The following CREBBP variants were observed in gnomAD, a reference collection of about 807,000 sequenced individuals.
The protein encoded by CREBBP is CREB-binding protein.
In CREBBP, 19 loss-of-function variants were observed where a neutral mutation model predicts 265.0. That is an observed-to-expected ratio of 0.07 (90% CI 0.05 to 0.11). The LOEUF is 0.11. CREBBP is among the 10% of genes least tolerant of loss of function. CREBBP has a pLI of 1.00. For missense variants in CREBBP, 2,525 were observed against 3,219.0 expected, an observed-to-expected ratio of 0.78 and a Z score of 5.22; for synonymous variants, 1,457 against 1,223.7, an observed-to-expected ratio of 1.19 and a Z score of -3.98.
intron 2 of CREBBP, among the ~76,000 whole-genome samples, chr16:3,849,415 GTGTGTGTGTGTGTGTGTGTGTGTGTGTGT>G (rs2054741159): frequency 3.2e-4 from 2 of 6,302 alleles, no homozygotes; most frequent in South Asian, 0.012. Context: ...GTGTGTGTGT[GTGTGTGTGTGTGTGTGTGTGTGTGTGTGT>G]GTGTGTGTGT....
chr16:3,879,026 T>C (rs1168231677), intron 1 of CREBBP, among the ~76,000 whole-genome samples: 1 of 10,198 alleles, frequency 9.8e-5, no homozygotes, highest in Non-Finnish European at 6.3e-4. Context: ...AATTCCTACA[T>C]TCCTTAATTC....
At chr16:3,729,928 A>G in intron 30 of CREBBP, 54 bp from the exon 31 acceptor site, 2 of 1,589,570 alleles carry the variant, frequency 1.3e-6, no homozygotes, top group Non-Finnish European at 1.7e-6. Flanking sequence ...CAGTACCACC[A>G]GGCATCCTGG....
In CREBBP at chr16:3,726,242, G is replaced by A. The variant is rs547057736; in HGVS notation, c.*1476C>T. 9.9e-5 allele frequency: 23 copies of A among 232,194 alleles called. No individual in the cohort carries two copies. Among genetic ancestry groups the A allele is most frequent in the East Asian group, 1.2e-4 (2 of 16,370 alleles). The allele number at this position is 232,194 out of a possible 1,614,324, so 14.4% of individuals were successfully genotyped here. ...CTCAGATTCTGGGAGTCGTGTACGGGGGGGGGGAGCCGCCTGAACACGGGA... is the reference window on the plus strand; with the variant it reads ...CTCAGATTCTGGGAGTCGTGTACGGAGGGGGGGAGCCGCCTGAACACGGGA... On this transcript the variant is annotated 3_prime_UTR_variant, in exon 31 of 31. Transcript: ENST00000262367.
rs2151305979 is a variant in CREBBP, at chr16:3,728,919, T to C, written c.6128A>G (p.Gln2043Arg). ...GGGCCCAGCCACGGCCGCCTGGGCC[T>C]GCATGGATATCACAGGCCTGGGCAA... is the stretch of plus-strand genomic sequence containing the variant. ...PGLPRPVISMQAQAAVAGPRM... is the reference protein window; with the variant it reads ...PGLPRPVISMRAQAAVAGPRM... The change falls in exon 31 of 31, where the codon CAG becomes CGG. Residue 2043 changes from glutamine (Q) to arginine (R), a missense_variant. This residue lies in a region of CREBBP where 275 missense variants were observed against 276.5 expected (regional missense o/e 0.99). Transcript: ENST00000262367. This position sits in a 1 kb window ranked among gnomAD's most constrained non-coding sequence, Gnocchi z 8.7. The C allele has an allele frequency of 6.2e-7, 1 of 1,605,894 alleles. No individual in the cohort carries two copies. Among genetic ancestry groups the C allele is most frequent in the Non-Finnish European group, 8.5e-7 (1 of 1,179,126 alleles).
At chr16:3,807,276 C>T (rs1398983648) in intron 3 of CREBBP, among the ~76,000 whole-genome samples, 1 of 152,178 alleles carries the variant, frequency 6.6e-6, no homozygotes, top group East Asian at 1.9e-4. Flanking sequence ...CCCAAGACCA[C>T]GTGGCTAAAT....
intron 2 of CREBBP, among the ~76,000 whole-genome samples, chr16:3,815,763 G>A (rs1200484737): frequency 2.6e-5 from 4 of 151,876 alleles, no homozygotes; most frequent in African/African-American, 9.7e-5. Flanking sequence ...TAAATGGGGT[G>A]TCCGTCACCT....
At chr16:3,842,077 A>G (rs940939550) in intron 2 of CREBBP, among the ~76,000 whole-genome samples, 1 of 152,160 alleles carries the variant, frequency 6.6e-6, no homozygotes, top group African/African-American at 2.4e-5. Flanking sequence ...ACCACTTTCT[A>G]AAAAAGACGA....
chr16:3,728,301 CGCT>C lies in CREBBP; in HGVS notation c.6743_6745del (p.Gln2248del), dbSNP rs753283086. 73 of 1,611,526 alleles carry C rather than the reference CGCT, an allele frequency of 4.5e-5. No individual in the cohort carries two copies. The highest frequency in any genetic ancestry group is 5.8e-5 in the Non-Finnish European group (69 of 1,179,500). On this transcript the variant is annotated inframe_deletion, in exon 31 of 31. Transcript: ENST00000262367. The surrounding 1 kb of genome is among the most constrained non-coding windows in gnomAD (Gnocchi z 8.7). ...CTGGAGGGGGAGATGCTGCTGCATG[CGCT>C]GCTGCTGCTGCATGGCCGGTGGGTA...
chr16:3,769,576 G>A lies in CREBBP; in HGVS notation c.2881-223C>T, dbSNP rs147669825. ...CTCAGGTCTTGCCACAAAGGCAGAG[G>A]AAACAGCAGAGCTTTTCAAACTTTG... On this transcript the variant is annotated intron_variant, in intron 14 of 30. Transcript: ENST00000262367. Among the ~76,000 whole-genome samples, 206 of 152,286 alleles carry A rather than the reference G, an allele frequency of 1.4e-3. 1 individual carries two copies. The highest frequency in any genetic ancestry group is 4.7e-3 in the African/African-American group (197 of 41,556).
chr16:3,764,364 C>G (rs978501211), intron 16 of CREBBP, among the ~76,000 whole-genome samples: 1 of 152,114 alleles, frequency 6.6e-6, no homozygotes, highest in Admixed American at 6.6e-5. Context: ...ACAGCCTCAA[C>G]CTCCTGGGCT....
chr16:3,793,609 T>C lies in CREBBP; in HGVS notation c.993A>G (p.Ser331=), dbSNP rs756500657. 2 of 1,613,330 alleles carry C rather than the reference T, an allele frequency of 1.2e-6. No homozygotes were observed. The highest frequency in any genetic ancestry group is 8.5e-7 in the Non-Finnish European group (1 of 1,180,034). The part of the protein sequence containing the change: ...NVPNMSQMQT[S]VGIVPTQAIA... ...TTGCTTGTGTGGGTACAATTCCCAC[T>C]GATGTTTGCATCTGAGACTAAAATA... Residue 331 remains serine (S), a synonymous_variant, in exon 4 of 31, where the codon TCA becomes TCG. Coordinates refer to ENST00000262367, the MANE Select transcript of CREBBP (RefSeq NM_004380.3).
Position 3,729,350 on chromosome 16 carries a change from T to G in CREBBP, c.5697A>C (p.Thr1899=), listed in dbSNP as rs1596786868. Residue 1899 remains threonine (T), a synonymous_variant, in exon 31 of 31, where the codon ACA becomes ACC. Coordinates refer to ENST00000262367, the MANE Select transcript of CREBBP (RefSeq NM_004380.3). The part of the protein sequence containing the change: ...PPGTPTQQPS[T]PQTPQPPAQP... ...GGGCAGGGGGCTGCGGCGTCTGGGG[T>G]GTGCTGGGCTGCTGTGTGGGGGTCC... 6.3e-7 allele frequency: 1 copy of G among 1,597,498 alleles called. No homozygotes were observed.
At chr16:3,879,727 G>C (rs2055484642) in intron 1 of CREBBP, 105 bp downstream of exon 1, 1 of 1,247,032 alleles carries the variant, frequency 8.0e-7, no homozygotes, top group Middle Eastern at 2.6e-4. Flanking sequence ...CCTGCTCCGA[G>C]CTCCCGGCTC....
intron 1 of CREBBP, among the ~76,000 whole-genome samples, chr16:3,869,190 C>A (rs1304776154): frequency 6.6e-6 from 1 of 152,166 alleles, no homozygotes; most frequent in Non-Finnish European, 1.5e-5. Context: ...GGCTCAGTCC[C>A]CATCTGGTGC....
chr16:3,854,365 T>G (rs2054917159), intron 1 of CREBBP, among the ~76,000 whole-genome samples: 1 of 152,176 alleles, frequency 6.6e-6, no homozygotes, highest in Non-Finnish European at 1.5e-5. Context: ...AGACACCACT[T>G]GCATGCTAAG....
Position 3,870,867 on chromosome 16 carries a change from G to C in CREBBP, c.85+8965C>G, listed in dbSNP as rs543585960. Among the ~76,000 whole-genome samples the C allele has an allele frequency of 1.1e-4, 17 of 152,154 alleles. No individual in the cohort carries two copies. The South Asian group carries it at 3.5e-3, about 32-fold the overall frequency. ...ACCAAGATAATCAAAGTAAGCAGAA[G>C]TAGAGCCAGGCACAGTGGCTCCATC... is the stretch of plus-strand genomic sequence containing the variant. On this transcript the variant is annotated intron_variant, in intron 1 of 30. Coordinates refer to ENST00000262367, the MANE Select transcript of CREBBP (RefSeq NM_004380.3).
chr16:3,796,263 A>G (rs1038262982), intron 3 of CREBBP, among the ~76,000 whole-genome samples: 2 of 152,164 alleles, frequency 1.3e-5, no homozygotes, highest in Admixed American at 6.5e-5. Flanking sequence ...TCTTTTTTTA[A>G]AATTTCAGAG....
At chr16:3,814,164 A>AGTGTGTGTGTGT (rs35866243) in intron 2 of CREBBP, among the ~76,000 whole-genome samples, 49 of 119,768 alleles carry the variant, frequency 4.1e-4, no homozygotes, top group East Asian at 1.8e-3. Context: ...AATGTTGTTT[A>AGTGTGTGTGTGT]GTGTGTGTGT....
chr16:3,769,223 T>G lies in CREBBP; in HGVS notation c.3011A>C (p.Glu1004Ala). 1 of 1,614,142 alleles carries G rather than the reference T, an allele frequency of 6.2e-7. No homozygotes were observed. ...TTCACCAGGATCGGGCTCAGTGTCC[T>G]CTGCTTGGGTCTCCGTCTTCATTTC... is the stretch of plus-strand genomic sequence containing the variant. ...VLEMKTETQAEDTEPDPGESK... is the reference protein window; with the variant it reads ...VLEMKTETQAADTEPDPGESK... The change falls in exon 15 of 31, where the codon GAG becomes GCG. Residue 1004 changes from glutamate to alanine, a missense_variant. Transcript: ENST00000262367.
Sources: allele counts gnomAD v4.1 joint callset (sites outside exome capture counted in the v4.1 genomes callset), GRCh38; gene constraint gnomAD v4.1.1; regional missense constraint gnomAD v4.1.1; non-coding constraint Gnocchi (gnomAD v3.1); transcripts MANE v1.5; gene names NCBI Gene and HGNC (gene_info 2026-07-23, HGNC 2026-07-21).